The following CTSC variants were observed in gnomAD, a reference collection of about 807,000 sequenced individuals.
The protein encoded by CTSC is dipeptidyl peptidase 1.
In CTSC, 37 loss-of-function variants were observed where a neutral mutation model predicts 40.9. That is an observed-to-expected ratio of 0.91 (90% CI 0.70 to 1.19). The LOEUF (loss-of-function observed/expected upper bound fraction) is 1.19, where lower values mean the gene tolerates loss of function less well. Among genes scored for constraint, CTSC ranks in the 50% most tolerant of loss-of-function variants. The pLI is 0.00. For synonymous variants in CTSC, 232 were observed against 207.4 expected (o/e 1.12, Z -1.02); for missense variants, 594 against 567.3 (o/e 1.05, Z -0.48).
chr11:88,306,496 T>C (rs1937637216), intron 4 of CTSC, among the ~76,000 whole-genome samples: 2 of 148,226 alleles, frequency 1.3e-5, no homozygotes, highest in African/African-American at 5.0e-5. Context: ...GAGCTGAACA[T>C]CCAGAGGAGC....
intron 2 of CTSC, among the ~76,000 whole-genome samples, chr11:88,313,269 C>T (rs992326129): frequency 2.6e-5 from 4 of 152,098 alleles, no homozygotes; most frequent in African/African-American, 9.7e-5. Context: ...CGGGGTTTTG[C>T]CATGTTGGCC....
At chr11:88,324,876 CT>C in intron 2 of CTSC, 2 of 985,294 alleles carry the variant, frequency 2.0e-6, no homozygotes, top group South Asian at 4.7e-5. Flanking sequence ...CCACTGTACT[CT>C]TAATTCATCT....
At chr11:88,330,020 C>T (rs1167366955) in intron 2 of CTSC, among the ~76,000 whole-genome samples, 1 of 152,178 alleles carries the variant, frequency 6.6e-6, no homozygotes, top group Non-Finnish European at 1.5e-5. Flanking sequence ...AGGAGATTGC[C>T]TGCAGGTACT....
chr11:88,311,706 G>C (rs1268370710), intron 3 of CTSC, among the ~76,000 whole-genome samples: 1 of 152,168 alleles, frequency 6.6e-6, no homozygotes, highest in Non-Finnish European at 1.5e-5. Context: ...GGTCATTAAG[G>C]TAAAATTAGG....
At chr11:88,304,791 A>G (rs1307635463) in intron 4 of CTSC, among the ~76,000 whole-genome samples, 3 of 152,314 alleles carry the variant, frequency 2.0e-5, no homozygotes, top group East Asian at 1.9e-4. Flanking sequence ...CACCAGCACC[A>G]TGACAGTTTA....
chr11:88,327,101 T>G (rs1260634672), intron 2 of CTSC, among the ~76,000 whole-genome samples: 2 of 152,220 alleles, frequency 1.3e-5, no homozygotes, highest in Non-Finnish European at 2.9e-5. Flanking sequence ...CATTCTATAT[T>G]TATTCAACTA....
chr11:88,316,171 G>A (rs1937872927), intron 2 of CTSC, among the ~76,000 whole-genome samples: 1 of 152,106 alleles, frequency 6.6e-6, no homozygotes, highest in Admixed American at 6.5e-5. Flanking sequence ...TTTTTACCAT[G>A]CCTGCCTAGG....
At chr11:88,312,363 G>T in intron 3 of CTSC, 25 bp downstream of exon 3, 1 of 1,610,142 alleles carries the variant, frequency 6.2e-7, no homozygotes. Flanking sequence ...AAAACTAAAC[G>T]TATGTCTCAT....
At position 88,300,640 on chromosome 11, in the gene CTSC, T is replaced by G. The variant is rs1944349601; in HGVS notation, c.647A>C (p.Lys216Thr). The G allele has an allele frequency of 6.2e-7, 1 of 1,606,602 alleles. No homozygotes were observed. The highest frequency in any genetic ancestry group is 8.5e-7 in the Non-Finnish European group (1 of 1,173,268). ...GGHSRKIPRP[K>T]PAPLTAEIQQ... ...TATTTCAGCAGTCAGTGGTGCAGGTTTGGGCCTAGAAAGGAAATATACATT... is the reference window on the plus strand; with the variant it reads ...TATTTCAGCAGTCAGTGGTGCAGGTGTGGGCCTAGAAAGGAAATATACATT... The change falls in exon 5 of 7, where the codon AAA becomes ACA. Residue 216 changes from lysine to threonine, a missense_variant. Lys to Thr is a moderately conservative substitution (Grantham distance 78, BLOSUM62 -1). Coordinates refer to ENST00000227266, the MANE Select transcript of CTSC (RefSeq NM_001814.6).
chr11:88,325,440 T>A, intron 2 of CTSC: 10 of 985,450 alleles, frequency 1.0e-5, no homozygotes, highest in Non-Finnish European at 1.2e-5. Context: ...GACTGGAATT[T>A]ACCAGGAAAT....
chr11:88,301,387 G>C (rs1944358985), intron 4 of CTSC, among the ~76,000 whole-genome samples: 1 of 152,142 alleles, frequency 6.6e-6, no homozygotes, highest in Non-Finnish European at 1.5e-5. Context: ...GAAACCTCTA[G>C]ACGGTATTGA....
At position 88,301,799 on chromosome 11, in the gene CTSC, A is replaced by C. The variant is rs564981; in HGVS notation, c.642-1154T>G. On this transcript the variant is annotated intron_variant, in intron 4 of 6. Transcript: ENST00000227266. ...ATACATACACATGCACACACACACA[A>C]ACACACGCGCGCACACACACACACA... Among the ~76,000 whole-genome samples, 217 of 94,724 alleles carry C rather than the reference A, an allele frequency of 2.3e-3. 1 individual carries two copies. The highest frequency in any genetic ancestry group is 8.1e-3 in the African/African-American group (207 of 25,708). The allele number at this position is 94,724 out of a possible 152,430, so 62.1% of individuals were successfully genotyped here. A position where few individuals can be genotyped will look rare whatever the true frequency, so the allele number is the denominator to read the frequency against.
At chr11:88,321,184 G>T in intron 2 of CTSC, 1 of 263,004 alleles carries the variant, frequency 3.8e-6, no homozygotes, top group Non-Finnish European at 5.9e-6. Flanking sequence ...TGTAGGATGT[G>T]CAGGTTTCTT....
In CTSC at chr11:88,337,493, C is replaced by T. The variant is rs1206973229; in HGVS notation, c.172+8G>A. On this transcript the variant is annotated splice_region_variant and intron_variant, in intron 1 of 6. Coordinates refer to ENST00000227266, the MANE Select transcript of CTSC (RefSeq NM_001814.6). Reference sequence around the variant, plus strand: ...ACGACCCGGAGGACTGCCGAGCCGGCGGCTTACCCATAACCGAGCAGTTGA... The same window carrying T: ...ACGACCCGGAGGACTGCCGAGCCGGTGGCTTACCCATAACCGAGCAGTTGA... The T allele has an allele frequency of 6.4e-7, 1 of 1,566,388 alleles. No homozygotes were observed. The highest frequency in any genetic ancestry group is 8.7e-7 in the Non-Finnish European group (1 of 1,154,740).
Position 88,293,994 on chromosome 11 carries a change from G to T in CTSC, c.*12C>A, listed in dbSNP as rs1944269438. 1 of 1,613,478 alleles carries T rather than the reference G, an allele frequency of 6.2e-7. No homozygotes were observed. Among genetic ancestry groups the T allele is most frequent in the African/African-American group, 1.3e-5 (1 of 74,990 alleles). ...CTGATGCAGATCATTATGAAATACT[G>T]GAAGGCATACCCTACAATTTAGGAA... On this transcript the variant is annotated 3_prime_UTR_variant, in exon 7 of 7. Coordinates refer to ENST00000227266, the MANE Select transcript of CTSC (RefSeq NM_001814.6).
intron 2 of CTSC, among the ~76,000 whole-genome samples, chr11:88,327,704 T>G (rs1938229884): frequency 6.6e-6 from 1 of 152,222 alleles, no homozygotes; most frequent in Non-Finnish European, 1.5e-5. Flanking sequence ...TCTAAGCTGC[T>G]GTGGCCTCAC....
At chr11:88,311,440 A>T (rs1050513012) in intron 3 of CTSC, among the ~76,000 whole-genome samples, 1 of 152,212 alleles carries the variant, frequency 6.6e-6, no homozygotes, top group South Asian at 2.1e-4. Context: ...TGATTTGTAC[A>T]TGTACATTTT....
intron 2 of CTSC, among the ~76,000 whole-genome samples, chr11:88,332,744 A>G (rs1174190826): frequency 6.6e-6 from 1 of 152,224 alleles, no homozygotes; most frequent in East Asian, 1.9e-4. Context: ...GGCCCTGATA[A>G]TGGTTTTGTC....
intron 2 of CTSC, among the ~76,000 whole-genome samples, chr11:88,327,549 A>G (rs951079624): frequency 1.3e-5 from 2 of 152,222 alleles, no homozygotes; most frequent in Non-Finnish European, 2.9e-5. Flanking sequence ...GAGAATGTAA[A>G]GAGTGAATAA....
Sources: allele counts gnomAD v4.1 joint callset (sites outside exome capture counted in the v4.1 genomes callset), GRCh38; gene constraint gnomAD v4.1.1; transcripts MANE v1.5; gene names NCBI Gene and HGNC (gene_info 2026-07-23, HGNC 2026-07-21).